The following TBC1D31 variants were observed in gnomAD, a reference collection of about 807,000 sequenced individuals.
TBC1D31 encodes TBC1 domain family member 31, also known as WD repeat domain 67.
A neutral mutation model predicts 132.9 loss-of-function variants in TBC1D31; 99 were observed. That is an observed-to-expected ratio of 0.74 (90% CI 0.63 to 0.88). TBC1D31 has a LOEUF of 0.88. Among genes scored for constraint, TBC1D31 ranks in the 40% least tolerant of loss-of-function variants. The pLI is 0.00. For missense variants in TBC1D31, 1,134 were observed against 1,256.6 expected, an observed-to-expected ratio of 0.90 and a Z score of 1.48; for synonymous variants, 385 against 419.4, an observed-to-expected ratio of 0.92 and a Z score of 1.00.
In TBC1D31 at chr8:123,120,160, C is replaced by G. The variant is rs561570593; in HGVS notation, c.1542C>G (p.Ile514Met). The G allele has an allele frequency of 1.2e-6, 2 of 1,609,302 alleles. No individual in the cohort carries two copies. The highest frequency in any genetic ancestry group is 2.2e-5 in the South Asian group (2 of 90,430). Residue 514 changes from isoleucine (I) to methionine (M), a missense_variant, in exon 11 of 22, where the codon ATC becomes ATG. Transcript: ENST00000287380. ...AATTATTCCAGAACAACCAACTCAT[C>G]TGTTTTGAAGTTATTGCTACTCTCA... is the stretch of plus-strand genomic sequence containing the variant. ...FVKLFQNNQL[I>M]CFEVIATLII...
At chr8:123,147,889 A>G (rs888234564) in intron 20 of TBC1D31, among the ~76,000 whole-genome samples, 3 of 152,058 alleles carry the variant, frequency 2.0e-5, no homozygotes, top group Non-Finnish European at 4.4e-5. Flanking sequence ...GCACTTTGGG[A>G]GGCCAAGGTG....
chr8:123,146,526 T>G (rs1332847617), intron 20 of TBC1D31, among the ~76,000 whole-genome samples: 1 of 152,258 alleles, frequency 6.6e-6, no homozygotes, highest in Admixed American at 6.5e-5. Context: ...TGAATAATAT[T>G]CCATTGTGTG....
Position 123,105,270 on chromosome 8 carries a change from A to G in TBC1D31, c.1033-18A>G, listed in dbSNP as rs1322448312. On this transcript the variant is annotated intron_variant, in intron 7 of 21. Transcript: ENST00000287380. Reference sequence around the variant, plus strand: ...AGGATATCCATTAGAATATATATATATTTATTTTTCCATTTAGCCACCTCC... The same window carrying G: ...AGGATATCCATTAGAATATATATATGTTTATTTTTCCATTTAGCCACCTCC... 3 of 1,499,734 alleles carry G rather than the reference A, an allele frequency of 2.0e-6. No homozygotes were observed. In the African/African-American group the frequency reaches 4.2e-5, roughly 21 times the overall value. 92.9% of individuals were successfully genotyped at this position (1,499,734 alleles called of 1,614,324 possible).
At chr8:123,161,886 TG>T in the TBC1D31 span, among the ~76,000 whole-genome samples, 1 of 151,286 alleles carries the variant, frequency 6.6e-6, no homozygotes, top group South Asian at 2.1e-4. Flanking sequence ...GGCGTGGTGG[TG>T]GGCGCCTGTG....
intron 4 of TBC1D31, among the ~76,000 whole-genome samples, chr8:123,090,939 T>C (rs1380827499): frequency 1.3e-5 from 2 of 151,906 alleles, no homozygotes; most frequent in African/African-American, 4.8e-5. Flanking sequence ...AGACTCTGTC[T>C]CAAAATAAAT....
chr8:123,140,969 C>CA, intron 18 of TBC1D31, 68 bp downstream of exon 18: 1 of 1,436,646 alleles, frequency 7.0e-7, no homozygotes. Flanking sequence ...CTTAAGAGAA[C>CA]AAAATCGAAA....
chr8:123,134,148 C>G lies in TBC1D31; in HGVS notation c.2441C>G (p.Ala814Gly). Reference sequence around the variant, plus strand: ...AGAGATCGAGAAATTGCTGCCACAGCCAGAGACCTAGAAATGAGACAGCTG... The same window carrying G: ...AGAGATCGAGAAATTGCTGCCACAGGCAGAGACCTAGAAATGAGACAGCTG... Reference protein sequence around the residue: ...YMRDREIAATARDLEMRQLEL... With the variant: ...YMRDREIAATGRDLEMRQLEL... The change falls in exon 17 of 22, where the codon GCC becomes GGC. Residue 814 changes from alanine to glycine, a missense_variant. By Grantham distance (60) the Ala-to-Gly change is moderately conservative. Coordinates refer to ENST00000287380, the MANE Select transcript of TBC1D31 (RefSeq NM_145647.4). The G allele has an allele frequency of 6.2e-7, 1 of 1,613,844 alleles. No individual in the cohort carries two copies. Among genetic ancestry groups the G allele is most frequent in the Non-Finnish European group, 8.5e-7 (1 of 1,179,882 alleles).
In TBC1D31 at chr8:123,120,050, C is replaced by G; in HGVS notation, c.1437-5C>G. ...AATTTTAATGCTAAGTTATTTTATT[C>G]ACAGAACCTTATCTGCATTAGCTCA... On this transcript the variant is annotated splice_region_variant and splice_polypyrimidine_tract_variant and intron_variant, in intron 10 of 21. Transcript: ENST00000287380. The G allele has an allele frequency of 6.4e-7, 1 of 1,573,054 alleles. No homozygotes were observed. Among genetic ancestry groups the G allele is most frequent in the Non-Finnish European group, 8.6e-7 (1 of 1,164,270 alleles).
rs1395933255 is a variant in TBC1D31 at position 123,151,895 on chromosome 8, C to T, written c.3157C>T (p.Arg1053Trp). ...AAATCTTCGCCAGAGACTCACTGCC[C>T]GGGCTCGTCACAGATGTCAAACCCC... The part of the protein sequence containing the change: ...VRNLRQRLTA[R>W]ARHRCQTPHL... The change falls in exon 22 of 22, where the codon CGG (arginine) becomes TGG (tryptophan). Residue 1053 changes from arginine to tryptophan, a missense_variant. Transcript: ENST00000287380. 1.7e-5 allele frequency: 27 copies of T among 1,586,868 alleles called. No homozygotes were observed. The highest frequency in any genetic ancestry group is 3.7e-5 in the Admixed American group (2 of 54,378).
chr8:123,150,311 G>A (rs1480040713), intron 21 of TBC1D31, among the ~76,000 whole-genome samples, 183 bp downstream of exon 21: 2 of 152,178 alleles, frequency 1.3e-5, no homozygotes, highest in Non-Finnish European at 2.9e-5. Flanking sequence ...ACTGGGTGCA[G>A]ACCAAATTCC....
At chr8:123,157,295 A>G in the TBC1D31 span, among the ~76,000 whole-genome samples, 1 of 152,194 alleles carries the variant, frequency 6.6e-6, no homozygotes, top group African/African-American at 2.4e-5. Flanking sequence ...CTACTGCGCT[A>G]ACGAGGCACC....
intron 4 of TBC1D31, among the ~76,000 whole-genome samples, chr8:123,087,063 T>C (rs565285239): frequency 6.6e-6 from 1 of 152,302 alleles, no homozygotes; most frequent in Admixed American, 6.5e-5. Flanking sequence ...ATGTTAGAAG[T>C]GGAGAAGTCA....
Position 123,138,497 on chromosome 8 carries a change from C to T in TBC1D31, c.2500-2264C>T, listed in dbSNP as rs367622270. Among the ~76,000 whole-genome samples, 42 of 152,228 alleles carry T rather than the reference C, an allele frequency of 2.8e-4. No individual in the cohort carries two copies. The South Asian group carries it at 8.5e-3, about 31-fold the overall frequency. On this transcript the variant is annotated intron_variant, in intron 17 of 21. Coordinates refer to ENST00000287380, the MANE Select transcript of TBC1D31 (RefSeq NM_145647.4). Reference sequence around the variant, plus strand: ...GTGATATGAGATTATTTGGTACATACAATTTGTGTTTGGCTTTTTTAACCT... The same window carrying T: ...GTGATATGAGATTATTTGGTACATATAATTTGTGTTTGGCTTTTTTAACCT...
chr8:123,137,981 G>T (rs1336679086), intron 17 of TBC1D31, among the ~76,000 whole-genome samples: 1 of 152,124 alleles, frequency 6.6e-6, no homozygotes, highest in African/African-American at 2.4e-5. Context: ...GGCCTAAAAA[G>T]CTCTATTATT....
intron 21 of TBC1D31, among the ~76,000 whole-genome samples, chr8:123,151,428 G>T (rs1414126417): frequency 6.6e-6 from 1 of 152,126 alleles, no homozygotes; most frequent in Non-Finnish European, 1.5e-5. Context: ...TATTGGAAAG[G>T]TAATCATGGT....
chr8:123,119,549 C>A (rs570757061), intron 10 of TBC1D31, among the ~76,000 whole-genome samples: 5 of 152,090 alleles, frequency 3.3e-5, no homozygotes, highest in Admixed American at 3.3e-4. Context: ...TGTCTCTACC[C>A]GCAAGAAAGA....
At chr8:123,161,439 C>T in the TBC1D31 span, among the ~76,000 whole-genome samples, 1 of 152,220 alleles carries the variant, frequency 6.6e-6, no homozygotes, top group Non-Finnish European at 1.5e-5. Context: ...CCGAAGGGCT[C>T]AGTGCTTCAA....
chr8:123,088,113 C>T lies in TBC1D31; in HGVS notation c.519+3773C>T, dbSNP rs183835922. On this transcript the variant is annotated intron_variant, in intron 4 of 21. Coordinates refer to ENST00000287380, the MANE Select transcript of TBC1D31 (RefSeq NM_145647.4). ...CTGAGGCAGAAGAATCGCTTGAACC[C>T]GGGAAACAGAGGTTGCAGTGAGCCG... Among the ~76,000 whole-genome samples, 577 of 151,350 alleles carry T rather than the reference C, an allele frequency of 3.8e-3. 2 individuals are homozygous for T. The highest frequency in any genetic ancestry group is 0.013 in the African/African-American group (553 of 41,158).
At chr8:123,080,451 G>GA (rs1335439466) in intron 2 of TBC1D31, among the ~76,000 whole-genome samples, 1 of 151,500 alleles carries the variant, frequency 6.6e-6, no homozygotes, top group African/African-American at 2.4e-5. Flanking sequence ...AGGGAAGAGG[G>GA]ACCCCTTTGT....
Sources: gnomAD v4.1 joint callset for allele counts (sites outside exome capture counted in the v4.1 genomes callset) on GRCh38, gnomAD v4.1.1 for gene constraint, MANE v1.5 for transcripts, NCBI Gene and HGNC (gene_info 2026-07-23, HGNC 2026-07-21) for gene names.